TRPM3: variants seen among roughly 807,000 people sequenced by gnomAD.
TRPM3 encodes the protein long transient receptor potential channel 3.
In TRPM3, 77 loss-of-function variants were observed where a neutral mutation model predicts 181.2. The observed-to-expected ratio is 0.42, with a 90% confidence interval of 0.35 to 0.51. The LOEUF (loss-of-function observed/expected upper bound fraction) is 0.51, where lower values mean the gene tolerates loss of function less well. Among genes scored for constraint, TRPM3 ranks in the 20% least tolerant of loss-of-function variants. TRPM3 has a pLI of 0.01. For synonymous variants in TRPM3, 745 were observed against 796.4 expected, an observed-to-expected ratio of 0.94 and a Z score of 1.09; for missense variants, 1,759 against 2,196.7, an observed-to-expected ratio of 0.80 and a Z score of 3.98.
intron 1 of TRPM3, among the ~76,000 whole-genome samples, chr9:70,899,241 C>CTTTGTACACTTTGTACACTGATTGT (rs1188093079): frequency 5.3e-5 from 8 of 152,126 alleles, no homozygotes; most frequent in Non-Finnish European, 8.8e-5. Flanking sequence ...CACTTGTCAC[C>CTTTGTACACTTTGTACACTGATTGT]ACAGCTTTGT....
intron 1 of TRPM3, among the ~76,000 whole-genome samples, chr9:71,071,563 G>A (rs568840785): frequency 2.6e-5 from 4 of 152,176 alleles, no homozygotes; most frequent in African/African-American, 7.2e-5. Context: ...TTTACAACAG[G>A]GAATTGTAAT....
intron 6 of TRPM3, among the ~76,000 whole-genome samples, chr9:70,805,056 C>G (rs542034598): frequency 6.6e-6 from 1 of 152,242 alleles, no homozygotes; most frequent in East Asian, 1.9e-4. Context: ...AGAGATCAAG[C>G]AAGCTTGGAC....
chr9:71,363,742 TG>T (rs1278377174), intron 1 of TRPM3, among the ~76,000 whole-genome samples: 1 of 152,152 alleles, frequency 6.6e-6, no homozygotes, highest in Non-Finnish European at 1.5e-5. Context: ...AGGAGGCCCC[TG>T]GTACTTTCCT....
chr9:70,787,304 G>A (rs555513722), intron 6 of TRPM3, among the ~76,000 whole-genome samples: 1 of 152,176 alleles, frequency 6.6e-6, no homozygotes, highest in Admixed American at 6.5e-5. Context: ...ATTGAACGGA[G>A]CAAACTGTCA....
intron 1 of TRPM3, among the ~76,000 whole-genome samples, chr9:71,423,667 G>A (rs2093815569): frequency 6.6e-6 from 1 of 152,040 alleles, no homozygotes; most frequent in South Asian, 2.1e-4. Flanking sequence ...TGAAATTTAA[G>A]ATGGATATAT....
intron 12 of TRPM3, among the ~76,000 whole-genome samples, chr9:70,634,254 C>T (rs559189799): frequency 6.6e-6 from 1 of 152,192 alleles, no homozygotes; most frequent in East Asian, 1.9e-4. Flanking sequence ...AGCTTACAGG[C>T]ACACACCACC....
At chr9:70,865,767 A>T (rs1407646976) in intron 1 of TRPM3, among the ~76,000 whole-genome samples, 1 of 152,026 alleles carries the variant, frequency 6.6e-6, no homozygotes, top group Non-Finnish European at 1.5e-5. Context: ...TTTTACAAGG[A>T]GCAACATGAG....
At chr9:71,354,075 T>C (rs2091787925) in intron 1 of TRPM3, among the ~76,000 whole-genome samples, 1 of 152,194 alleles carries the variant, frequency 6.6e-6, no homozygotes. Flanking sequence ...AGCCCTTCTC[T>C]GTTATTTCCG....
At chr9:70,838,751 A>G (rs551204920) in intron 5 of TRPM3, among the ~76,000 whole-genome samples, 23 of 152,266 alleles carry the variant, frequency 1.5e-4, no homozygotes, top group Admixed American at 3.9e-4. Context: ...GAAACAGTGT[A>G]TGTTTTCAGG....
chr9:71,043,708 A>T (rs2059094159), intron 1 of TRPM3, among the ~76,000 whole-genome samples: 1 of 152,180 alleles, frequency 6.6e-6, no homozygotes, highest in East Asian at 1.9e-4. Flanking sequence ...AGAAGGAGAA[A>T]TTTTCTGGCT....
intron 1 of TRPM3, among the ~76,000 whole-genome samples, chr9:70,902,081 T>C (rs1355027887): frequency 6.6e-6 from 1 of 152,224 alleles, no homozygotes; most frequent in African/African-American, 2.4e-5. Flanking sequence ...ACCTTACAGG[T>C]CTAGTCAGTA....
intron 12 of TRPM3, among the ~76,000 whole-genome samples, chr9:70,630,886 A>C (rs764528561): frequency 6.6e-5 from 10 of 152,328 alleles, no homozygotes; most frequent in Middle Eastern, 6.8e-3. Context: ...AAACCTTTTA[A>C]TTAAAAGCAT....
intron 1 of TRPM3, among the ~76,000 whole-genome samples, chr9:71,236,035 A>T (rs1294679279): frequency 6.6e-6 from 1 of 152,246 alleles, no homozygotes. Context: ...TGGTGGTAAC[A>T]AAAGTTTCAG....
chr9:71,024,731 G>T (rs958780979), intron 1 of TRPM3, among the ~76,000 whole-genome samples: 8 of 152,210 alleles, frequency 5.3e-5, no homozygotes, highest in Non-Finnish European at 8.8e-5. Flanking sequence ...CATTCAGTCA[G>T]TCTTAGCCAA....
At chr9:71,407,854 G>A (rs1055721134) in intron 1 of TRPM3, among the ~76,000 whole-genome samples, 1 of 152,130 alleles carries the variant, frequency 6.6e-6, no homozygotes, top group Non-Finnish European at 1.5e-5. Flanking sequence ...ATACAGCCGG[G>A]TGCCCCTCTG....
rs773545066 is a variant in TRPM3 at position 70,549,581 on chromosome 9, T to A, written c.3668A>T (p.Asn1223Ile). ...CCGTATCCTCTCATCATTAGATGAGTTGAACCGATCATCCTTTTCTCTGAA... is the reference window on the plus strand; with the variant it reads ...CCGTATCCTCTCATCATTAGATGAGATGAACCGATCATCCTTTTCTCTGAA... Reference protein sequence around the residue: ...EYFREKDDRFNSSNDERIRVT... With the variant: ...EYFREKDDRFISSNDERIRVT... The change falls in exon 25 of 26, where the codon AAC (asparagine) becomes ATC (isoleucine). Residue 1223 changes from asparagine (N) to isoleucine (I), a missense_variant. Physicochemically the swap from Asn to Ile is moderately radical, Grantham distance 149 (BLOSUM62 -3). Transcript: ENST00000677713. 1 of 1,613,692 alleles carries A rather than the reference T, an allele frequency of 6.2e-7. No homozygotes were observed. Among genetic ancestry groups the A allele is most frequent in the Non-Finnish European group, 8.5e-7 (1 of 1,179,824 alleles).
At chr9:71,209,497 T>C (rs138994555) in intron 1 of TRPM3, among the ~76,000 whole-genome samples, 442 of 152,180 alleles carry the variant, frequency 2.9e-3, no homozygotes, top group Middle Eastern at 0.02. Context: ...AACAAAACAA[T>C]ACCAGGTATT....
intron 1 of TRPM3, among the ~76,000 whole-genome samples, chr9:71,363,866 C>T (rs564009466): frequency 6.6e-6 from 1 of 152,204 alleles, no homozygotes; most frequent in South Asian, 2.1e-4. Context: ...CTGGCATAGA[C>T]CCCACTGTGT....
At chr9:70,843,176 T>A (rs746835775) in intron 4 of TRPM3, 49 bp from the exon 5 acceptor site, 1 of 1,571,646 alleles carries the variant, frequency 6.4e-7, no homozygotes, top group Non-Finnish European at 8.6e-7. Flanking sequence ...GCAAATACCT[T>A]TTCATCATTC....
Sources: allele counts gnomAD v4.1 joint callset (sites outside exome capture counted in the v4.1 genomes callset), GRCh38; gene constraint gnomAD v4.1.1; transcripts MANE v1.5; gene names NCBI Gene and HGNC (gene_info 2026-07-23, HGNC 2026-07-21).